Variants in GUCY1A2 observed in about 807,000 individuals in gnomAD.
GUCY1A2 encodes guanylate cyclase soluble subunit alpha-2.
In GUCY1A2, 27 loss-of-function variants were observed where a neutral mutation model predicts 63.5. That is an observed-to-expected ratio of 0.43 (90% CI 0.31 to 0.59). The LOEUF is 0.59. GUCY1A2 is among the 20% of genes least tolerant of loss of function. GUCY1A2 has a pLI of 0.11. For synonymous variants in GUCY1A2, 364 were observed against 343.5 expected (o/e 1.06, Z -0.66); for missense variants, 768 against 913.3 (o/e 0.84, Z 2.05).
chr11:106,886,913 T>G (rs1330138938), intron 4 of GUCY1A2, among the ~76,000 whole-genome samples: 3 of 152,128 alleles, frequency 2.0e-5, no homozygotes, highest in Non-Finnish European at 2.9e-5. Context: ...GGGCGCACTT[T>G]TATTCCTCCT....
chr11:106,694,917 A>AT (rs1485771466), intron 7 of GUCY1A2, among the ~76,000 whole-genome samples: 4 of 151,998 alleles, frequency 2.6e-5, no homozygotes, highest in African/African-American at 9.7e-5. Context: ...ACCCTAGAGT[A>AT]TTTTCTACCC....
chr11:106,969,224 T>C (rs929246944), intron 3 of GUCY1A2, among the ~76,000 whole-genome samples: 5 of 152,106 alleles, frequency 3.3e-5, no homozygotes, highest in African/African-American at 4.8e-5. Flanking sequence ...AGAAATGCTG[T>C]CAAAAGTACT....
At chr11:106,998,522 A>C (rs190296058) in intron 1 of GUCY1A2, among the ~76,000 whole-genome samples, 1 of 152,344 alleles carries the variant, frequency 6.6e-6, no homozygotes, top group Non-Finnish European at 1.5e-5. Flanking sequence ...ATGATGCTTG[A>C]AAAGAAGGTA....
chr11:106,779,973 G>A (rs1180727318), intron 5 of GUCY1A2, among the ~76,000 whole-genome samples: 1 of 152,168 alleles, frequency 6.6e-6, no homozygotes. Context: ...TTGAGTCCAG[G>A]AGTTCAAGAC....
At chr11:106,981,274 A>T (rs1861331185) in intron 2 of GUCY1A2, among the ~76,000 whole-genome samples, 1 of 152,204 alleles carries the variant, frequency 6.6e-6, no homozygotes, top group Non-Finnish European at 1.5e-5. Flanking sequence ...TGTTCTACTG[A>T]AATTATTCTG....
At chr11:106,928,446 C>G (rs1403125854) in intron 4 of GUCY1A2, among the ~76,000 whole-genome samples, 1 of 151,742 alleles carries the variant, frequency 6.6e-6, no homozygotes, top group East Asian at 1.9e-4. Context: ...TGCTTGTCAC[C>G]TACAATATGC....
chr11:107,018,030 T>A lies in GUCY1A2; in HGVS notation c.26A>T (p.Glu9Val), dbSNP rs200212839. Residue 9 changes from glutamate (E) to valine (V), a missense_variant, in exon 1 of 8, where the codon GAG becomes GTG. This residue lies in a region of GUCY1A2 where 496 missense variants were observed against 486.9 expected (regional missense o/e 1.02). Transcript: ENST00000526355. ...GTCGGAGCCCAGGGAGCTGAAGGACTCGGACGAAATCTTCCTTCGAGACAT... is the reference window on the plus strand; with the variant it reads ...GTCGGAGCCCAGGGAGCTGAAGGACACGGACGAAATCTTCCTTCGAGACAT... MSRRKISS[E>V]SFSSLGSDYL... 28 of 1,472,642 alleles carry A rather than the reference T, an allele frequency of 1.9e-5. No individual in the cohort carries two copies. In the East Asian group the frequency reaches 5.3e-4, roughly 28 times the overall value. 91.2% of individuals were successfully genotyped at this position (1,472,642 alleles called of 1,614,324 possible).
At chr11:106,935,500 CCT>C (rs1860663674) in intron 4 of GUCY1A2, among the ~76,000 whole-genome samples, 2 of 152,082 alleles carry the variant, frequency 1.3e-5, no homozygotes, top group South Asian at 4.2e-4. Context: ...ATTCTCCGCA[CCT>C]CTCTTTTAAA....
chr11:107,001,968 G>C (rs1861617294), intron 1 of GUCY1A2, among the ~76,000 whole-genome samples: 1 of 151,194 alleles, frequency 6.6e-6, no homozygotes, highest in Non-Finnish European at 1.5e-5. Context: ...GCAATGAGCT[G>C]AGATCGCAAC....
At chr11:106,696,144 T>C (rs914266528) in intron 7 of GUCY1A2, among the ~76,000 whole-genome samples, 3 of 152,218 alleles carry the variant, frequency 2.0e-5, no homozygotes, top group African/African-American at 7.2e-5. Flanking sequence ...CTTTACATTC[T>C]TGAATTTTAG....
chr11:106,913,445 A>G (rs1860323760), intron 4 of GUCY1A2, among the ~76,000 whole-genome samples: 3 of 152,084 alleles, frequency 2.0e-5, no homozygotes, highest in Non-Finnish European at 4.4e-5. Context: ...TTTAACAACC[A>G]GTTATTATGG....
chr11:106,844,764 CCTGT>C (rs963246694), intron 4 of GUCY1A2, among the ~76,000 whole-genome samples: 5 of 151,514 alleles, frequency 3.3e-5, no homozygotes, highest in African/African-American at 7.3e-5. Flanking sequence ...CATGGATGGG[CCTGT>C]CTAACAGAAT....
chr11:106,791,225 CA>C (rs1280548625), intron 5 of GUCY1A2, among the ~76,000 whole-genome samples: 1 of 152,180 alleles, frequency 6.6e-6, no homozygotes, highest in Non-Finnish European at 1.5e-5. Flanking sequence ...CAGCTGAATT[CA>C]GCCTGGTTTT....
At chr11:106,849,543 C>A (rs767203106) in intron 4 of GUCY1A2, among the ~76,000 whole-genome samples, 1 of 151,272 alleles carries the variant, frequency 6.6e-6, no homozygotes, top group African/African-American at 2.4e-5. Context: ...GAGTGTATTT[C>A]GAGGAATAAT....
At chr11:106,970,136 G>C (rs771018619) in intron 3 of GUCY1A2, among the ~76,000 whole-genome samples, 20 of 152,164 alleles carry the variant, frequency 1.3e-4, no homozygotes, top group Non-Finnish European at 2.5e-4. Context: ...ACTCAGGCAA[G>C]CTGGGGGTTA....
intron 4 of GUCY1A2, among the ~76,000 whole-genome samples, chr11:106,867,492 T>C (rs1322867628): frequency 6.6e-6 from 1 of 152,102 alleles, no homozygotes; most frequent in Non-Finnish European, 1.5e-5. Context: ...TTTCAGTCTG[T>C]AGAGAATCCT....
intron 7 of GUCY1A2, among the ~76,000 whole-genome samples, chr11:106,695,641 G>C (rs965878332): frequency 8.5e-5 from 13 of 152,150 alleles, no homozygotes; most frequent in African/African-American, 3.1e-4. Context: ...TCCAAGATCT[G>C]ATGCAGTCTG....
chr11:106,939,354 T>C, intron 4 of GUCY1A2, 106 bp downstream of exon 4: 1 of 686,400 alleles, frequency 1.5e-6, no homozygotes, highest in Non-Finnish European at 2.5e-6. Flanking sequence ...AATGGCACTT[T>C]AAGCTCTCTT....
chr11:106,858,544 G>C (rs1056493509), intron 4 of GUCY1A2, among the ~76,000 whole-genome samples: 34 of 152,218 alleles, frequency 2.2e-4, no homozygotes, highest in Admixed American at 1.4e-3. Context: ...ACATCATCAA[G>C]AGGTAGAGGC....
Sources: allele counts gnomAD v4.1 joint callset (sites outside exome capture counted in the v4.1 genomes callset), GRCh38; gene constraint gnomAD v4.1.1; regional missense constraint gnomAD v4.1.1; transcripts MANE v1.5; gene names NCBI Gene and HGNC (gene_info 2026-07-23, HGNC 2026-07-21).